Variants in SPATA16 observed in about 807,000 individuals in gnomAD.
SPATA16 encodes spermatogenesis associated 16, also known as spermatogenesis-associated protein 16.
A neutral mutation model predicts 63.3 loss-of-function variants in SPATA16; 36 were observed. That is an observed-to-expected ratio of 0.57 (90% confidence interval 0.44 to 0.75). The LOEUF (loss-of-function observed/expected upper bound fraction) is 0.75, where lower values mean the gene tolerates loss of function less well. SPATA16 is among the 30% of genes least tolerant of loss of function. The pLI is 0.00. For missense variants in SPATA16, 646 were observed against 679.3 expected (o/e 0.95, Z 0.54); for synonymous variants, 203 against 216.7 (o/e 0.94, Z 0.56).
intron 4 of SPATA16, among the ~76,000 whole-genome samples, chr3:173,012,563 C>G (rs554670758): frequency 6.6e-6 from 1 of 152,268 alleles, no homozygotes; most frequent in African/African-American, 2.4e-5. Flanking sequence ...CAGCATAGTA[C>G]TGGTACAAAA....
At chr3:172,970,143 A>G (rs1734015216) in intron 5 of SPATA16, among the ~76,000 whole-genome samples, 2 of 152,320 alleles carry the variant, frequency 1.3e-5, no homozygotes, top group South Asian at 4.1e-4. Flanking sequence ...AAATTGAGTC[A>G]GCTTTGGAAC....
intron 5 of SPATA16, among the ~76,000 whole-genome samples, chr3:172,974,551 T>G (rs1734113382): frequency 6.6e-6 from 1 of 151,924 alleles, no homozygotes; most frequent in South Asian, 2.1e-4. Context: ...ATGTATACAT[T>G]TGAATCAAGA....
chr3:173,060,123 T>C (rs956504036), intron 2 of SPATA16, among the ~76,000 whole-genome samples: 1 of 151,854 alleles, frequency 6.6e-6, no homozygotes, highest in Non-Finnish European at 1.5e-5. Flanking sequence ...CGGGCATGGT[T>C]GCGGGCGCCT....
At chr3:173,097,504 G>A (rs1737387777) in intron 2 of SPATA16, among the ~76,000 whole-genome samples, 1 of 152,186 alleles carries the variant, frequency 6.6e-6, no homozygotes. Context: ...AACTGCAAAA[G>A]TTATGGCCAT....
chr3:173,012,425 A>G (rs1735092864), intron 4 of SPATA16, among the ~76,000 whole-genome samples: 2 of 152,240 alleles, frequency 1.3e-5, no homozygotes, highest in Admixed American at 1.3e-4. Context: ...TGGAAAAAAT[A>G]TTCTAAAATT....
chr3:172,938,822 C>T (rs1273988269), intron 6 of SPATA16, among the ~76,000 whole-genome samples: 12 of 139,600 alleles, frequency 8.6e-5, no homozygotes, highest in African/African-American at 3.2e-4. Flanking sequence ...TTCAGAGATC[C>T]AGACCCCCCC....
At chr3:173,070,168 G>C (rs1194958586) in intron 2 of SPATA16, among the ~76,000 whole-genome samples, 1 of 152,066 alleles carries the variant, frequency 6.6e-6, no homozygotes, top group Non-Finnish European at 1.5e-5. Flanking sequence ...GCCAAGGTGG[G>C]TGGATCACTT....
At chr3:172,971,072 A>G (rs1221720694) in intron 5 of SPATA16, among the ~76,000 whole-genome samples, 1 of 152,186 alleles carries the variant, frequency 6.6e-6, no homozygotes, top group Admixed American at 6.6e-5. Context: ...AAATCTATTC[A>G]CTTGCTGCTC....
At chr3:173,099,931 T>C (rs1328380752) in intron 2 of SPATA16, among the ~76,000 whole-genome samples, 1 of 152,180 alleles carries the variant, frequency 6.6e-6, no homozygotes, top group Non-Finnish European at 1.5e-5. Flanking sequence ...CTAAATTAAC[T>C]AGTGGCAGTG....
intron 2 of SPATA16, among the ~76,000 whole-genome samples, chr3:173,055,515 C>A (rs999949140): frequency 3.3e-5 from 5 of 152,138 alleles, no homozygotes; most frequent in African/African-American, 1.2e-4. Context: ...GTAAAAAAAT[C>A]TGATCTCAAA....
chr3:173,028,344 T>C (rs1172309238), intron 3 of SPATA16, among the ~76,000 whole-genome samples: 1 of 151,858 alleles, frequency 6.6e-6, no homozygotes, highest in Non-Finnish European at 1.5e-5. Context: ...AATAGCATCA[T>C]TTCGTAGATT....
At chr3:172,973,558 T>C (rs1320094767) in intron 5 of SPATA16, among the ~76,000 whole-genome samples, 4 of 152,116 alleles carry the variant, frequency 2.6e-5, no homozygotes, top group Non-Finnish European at 5.9e-5. Flanking sequence ...ATGAAAACTT[T>C]TGTGCCTCAG....
intron 2 of SPATA16, among the ~76,000 whole-genome samples, chr3:173,069,879 A>G (rs1470189968): frequency 1.3e-5 from 2 of 152,230 alleles, no homozygotes; most frequent in Non-Finnish European, 2.9e-5. Flanking sequence ...AATAAAGGAC[A>G]AAAACTATAT....
chr3:173,119,430 T>C (rs529064173), intron 1 of SPATA16, among the ~76,000 whole-genome samples: 1 of 152,328 alleles, frequency 6.6e-6, no homozygotes, highest in East Asian at 1.9e-4. Flanking sequence ...TTTCCCCCTT[T>C]GTACCATTGG....
chr3:173,057,191 A>G (rs1736255709), intron 2 of SPATA16, among the ~76,000 whole-genome samples: 1 of 150,026 alleles, frequency 6.7e-6, no homozygotes, highest in South Asian at 2.1e-4. Flanking sequence ...GGCTCACTGC[A>G]AGCTCCGCCT....
chr3:172,920,534 A>G lies in SPATA16; in HGVS notation c.1338+3674T>C, dbSNP rs920945396. On this transcript the variant is annotated intron_variant, in intron 8 of 10. Transcript: ENST00000351008. Reference sequence around the variant, plus strand: ...TTGGTTGAGAGTAAGTTGCTATACTATCTCTTTATATGTAATTTGTGGAGA... The same window carrying G: ...TTGGTTGAGAGTAAGTTGCTATACTGTCTCTTTATATGTAATTTGTGGAGA... Among the ~76,000 whole-genome samples the G allele has an allele frequency of 2.6e-5, 4 of 152,200 alleles. No homozygotes were observed. The South Asian group carries it at 8.3e-4, about 31-fold the overall frequency.
intron 5 of SPATA16, among the ~76,000 whole-genome samples, chr3:172,961,074 C>G (rs1733767184): frequency 9.1e-6 from 1 of 109,784 alleles, no homozygotes. Context: ...TTCTTTCTTC[C>G]TTCCTTCCTT....
rs1560080300 is a variant in SPATA16 at position 172,961,065 on chromosome 3, T to TTC, written c.934-4242_934-4241insGA. ...CTTTCTTTCTTCTTTCTTTCTTTCT[T>TTC]CTTTCTTCCTTCCTTCCTTCCTTCC... On this transcript the variant is annotated intron_variant, in intron 5 of 10. Transcript: ENST00000351008. 4.8e-3 allele frequency among the ~76,000 whole-genome samples: 192 copies of TTC among 40,154 alleles called. 13 individuals carry two copies. The highest frequency in any genetic ancestry group is 0.012 in the East Asian group (21 of 1,754). The allele number at this position is 40,154 out of a possible 152,430, so 26.3% of individuals were successfully genotyped here. A position where few individuals can be genotyped will look rare whatever the true frequency, so the allele number is the denominator to read the frequency against.
At chr3:172,906,178 A>T (rs914478476) in intron 10 of SPATA16, among the ~76,000 whole-genome samples, 24 of 152,174 alleles carry the variant, frequency 1.6e-4, no homozygotes, top group Non-Finnish European at 8.8e-5. Flanking sequence ...ATTTACTTTA[A>T]GCCTAGTTCT....
Sources: allele counts gnomAD v4.1 joint callset (sites outside exome capture counted in the v4.1 genomes callset), GRCh38; gene constraint gnomAD v4.1.1; transcripts MANE v1.5; gene names NCBI Gene and HGNC (gene_info 2026-07-23, HGNC 2026-07-21).